The following EXOC6B variants were observed in gnomAD, a reference collection of about 807,000 sequenced individuals.
EXOC6B encodes SEC15 homolog B.
Under a neutral mutation model 113.5 loss-of-function variants are expected in EXOC6B, and 54 were observed. The observed-to-expected ratio is 0.48, with a 90% CI of 0.38 to 0.60. The LOEUF (loss-of-function observed/expected upper bound fraction) is 0.60, where lower values mean the gene tolerates loss of function less well. Among genes scored for constraint, EXOC6B ranks in the 20% least tolerant of loss-of-function variants. The pLI is 0.00. For synonymous variants in EXOC6B, 357 were observed against 339.0 expected (o/e 1.05, Z -0.58); for missense variants, 797 against 977.5 (o/e 0.82, Z 2.46).
At chr2:72,503,218 T>C (rs1364623952) in intron 11 of EXOC6B, among the ~76,000 whole-genome samples, 1 of 152,156 alleles carries the variant, frequency 6.6e-6, no homozygotes, top group Non-Finnish European at 1.5e-5. Flanking sequence ...AACCCATAGT[T>C]TACATTAGGG....
chr2:72,424,054 GTCTTT>G (rs1223277829), intron 18 of EXOC6B, among the ~76,000 whole-genome samples: 2 of 151,964 alleles, frequency 1.3e-5, no homozygotes, highest in Non-Finnish European at 2.9e-5. Context: ...AATTGTTTTT[GTCTTT>G]TCTATGTCAG....
At chr2:72,645,605 C>A (rs565377342) in intron 6 of EXOC6B, among the ~76,000 whole-genome samples, 3 of 152,174 alleles carry the variant, frequency 2.0e-5, no homozygotes, top group Non-Finnish European at 2.9e-5. Context: ...CAGACCACAG[C>A]GCAATCAAAT....
intron 20 of EXOC6B, among the ~76,000 whole-genome samples, chr2:72,220,639 T>A (rs951346017): frequency 1.3e-5 from 2 of 152,208 alleles, no homozygotes; most frequent in African/African-American, 2.4e-5. Flanking sequence ...AAGCTTATTA[T>A]ATTGCATAGG....
chr2:72,622,100 T>C (rs1295024394), intron 6 of EXOC6B, among the ~76,000 whole-genome samples: 2 of 151,910 alleles, frequency 1.3e-5, no homozygotes, highest in African/African-American at 4.8e-5. Flanking sequence ...TAAGAATATA[T>C]GTTAAATCAT....
chr2:72,218,206 A>C (rs1680653702), intron 20 of EXOC6B, among the ~76,000 whole-genome samples: 1 of 152,240 alleles, frequency 6.6e-6, no homozygotes, highest in African/African-American at 2.4e-5. Context: ...GGATGTGCAC[A>C]GTAAGGCTGC....
intron 5 of EXOC6B, among the ~76,000 whole-genome samples, chr2:72,729,877 T>C (rs1680530514): frequency 6.6e-6 from 1 of 152,222 alleles, no homozygotes; most frequent in South Asian, 2.1e-4. Flanking sequence ...TGTCTAATGA[T>C]TCAGCTTCAC....
intron 1 of EXOC6B, among the ~76,000 whole-genome samples, chr2:72,816,600 A>G (rs943869937): frequency 6.6e-6 from 1 of 152,212 alleles, no homozygotes; most frequent in Admixed American, 6.5e-5. Context: ...TTTTTAAATA[A>G]AATATTTCAA....
intron 6 of EXOC6B, among the ~76,000 whole-genome samples, chr2:72,704,387 A>C (rs1453274684): frequency 6.6e-6 from 1 of 150,574 alleles, no homozygotes; most frequent in Non-Finnish European, 1.5e-5. Context: ...AAAGATCCAA[A>C]ATTGACACCC....
At position 72,500,080 on chromosome 2, in the gene EXOC6B, G is replaced by C. The variant is rs1471138154; in HGVS notation, c.1168-108C>G. On this transcript the variant is annotated intron_variant, in intron 11 of 21. Coordinates refer to ENST00000272427, the MANE Select transcript of EXOC6B (RefSeq NM_015189.3). ...GCTTTATCTGGCAAATTCTTTACCT[G>C]GTAAATTCTTTCCCTAGAAATAATT... 4.2e-5 allele frequency: 30 copies of C among 717,464 alleles called. 1 individual carries two copies. Among genetic ancestry groups the C allele is most frequent in the Admixed American group, 2.9e-4 (12 of 41,738 alleles). The allele number at this position is 717,464 out of a possible 1,614,324, so 44.4% of individuals were successfully genotyped here.
chr2:72,698,951 T>C (rs887982146), intron 6 of EXOC6B, among the ~76,000 whole-genome samples: 2 of 152,232 alleles, frequency 1.3e-5, no homozygotes, highest in Non-Finnish European at 2.9e-5. Context: ...GATTCTGACA[T>C]TGATACGGAC....
At chr2:72,188,481 T>C (rs150808258) in intron 20 of EXOC6B, among the ~76,000 whole-genome samples, 10 of 152,322 alleles carry the variant, frequency 6.6e-5, no homozygotes, top group African/African-American at 2.2e-4. Flanking sequence ...TATGGCCTTC[T>C]CTGAGACAGA....
intron 11 of EXOC6B, among the ~76,000 whole-genome samples, chr2:72,511,289 T>C (rs568865629): frequency 6.6e-6 from 1 of 152,256 alleles, no homozygotes; most frequent in Non-Finnish European, 1.5e-5. Flanking sequence ...TCATTTCGAA[T>C]GTAAACTCAT....
chr2:72,752,845 A>C (rs975994340), intron 1 of EXOC6B, among the ~76,000 whole-genome samples: 1 of 151,830 alleles, frequency 6.6e-6, no homozygotes, highest in Non-Finnish European at 1.5e-5. Context: ...CCTCTTTTTA[A>C]AATCTCTATT....
chr2:72,456,864 C>A (rs1697268153), intron 18 of EXOC6B, among the ~76,000 whole-genome samples: 1 of 151,962 alleles, frequency 6.6e-6, no homozygotes, highest in Non-Finnish European at 1.5e-5. Flanking sequence ...TAAAAAGTGC[C>A]ACAAAGGAAG....
chr2:72,783,600 G>A (rs1684200106), intron 1 of EXOC6B, among the ~76,000 whole-genome samples: 1 of 152,040 alleles, frequency 6.6e-6, no homozygotes, highest in Non-Finnish European at 1.5e-5. Flanking sequence ...GAGATTACAG[G>A]AGTGAGCCAC....
intron 18 of EXOC6B, among the ~76,000 whole-genome samples, chr2:72,411,501 G>T (rs956470920): frequency 2.6e-5 from 4 of 152,108 alleles, no homozygotes; most frequent in African/African-American, 9.7e-5. Context: ...ACCTCAAAAG[G>T]CTATACTTTT....
intron 6 of EXOC6B, among the ~76,000 whole-genome samples, chr2:72,636,369 G>GAAGGAAGGAAGC (rs771182488): frequency 2.1e-4 from 20 of 96,626 alleles, no homozygotes; most frequent in African/African-American, 9.7e-4. Flanking sequence ...AGGAAGGAAG[G>GAAGGAAGGAAGC]AAGCAAGGAA....
chr2:72,496,400 CTTT>C, intron 14 of EXOC6B, 51 bp downstream of exon 14: 1 of 1,089,020 alleles, frequency 9.2e-7, no homozygotes, highest in Non-Finnish European at 1.4e-6. Context: ...CCAATGAAAG[CTTT>C]TAAGAGGATG....
chr2:72,693,308 C>T (rs555748025), intron 6 of EXOC6B, among the ~76,000 whole-genome samples: 5 of 151,202 alleles, frequency 3.3e-5, no homozygotes, highest in African/African-American at 4.9e-5. Flanking sequence ...TTCTTTGAGA[C>T]GGAGTCTTTC....
Sources: allele counts gnomAD v4.1 joint callset (sites outside exome capture counted in the v4.1 genomes callset), GRCh38; gene constraint gnomAD v4.1.1; transcripts MANE v1.5; gene names NCBI Gene and HGNC (gene_info 2026-07-23, HGNC 2026-07-21).